The following CAMSAP1 variants were observed in gnomAD, a reference collection of about 807,000 sequenced individuals.
CAMSAP1 encodes the protein calmodulin regulated spectrin associated protein 1.
CAMSAP1 carries 58 observed loss-of-function variants against 143.5 expected under a neutral mutation model. The observed-to-expected ratio is 0.40, with a 90% CI of 0.33 to 0.50. The LOEUF (loss-of-function observed/expected upper bound fraction) is 0.50. CAMSAP1 is among the 20% of genes least tolerant of loss of function. The pLI is 0.45. For synonymous variants in CAMSAP1, 945 were observed against 859.3 expected, an observed-to-expected ratio of 1.10 and a Z score of -1.74; for missense variants, 1,969 against 2,115.7, an observed-to-expected ratio of 0.93 and a Z score of 1.36.
In CAMSAP1 at chr9:135,832,238, C is replaced by G. The variant is rs80119919; in HGVS notation, c.1046-4654G>C. 1.8e-4 allele frequency among the ~76,000 whole-genome samples: 27 copies of G among 152,262 alleles called. No individual in the cohort carries two copies. The East Asian group carries it at 5.2e-3, about 29-fold the overall frequency. ...TATACACCATGATTAAGTGGAATTC[C>G]TCCCTGAAATGCCAGGTTGGTTCAA... On this transcript the variant is annotated intron_variant, in intron 7 of 16. Coordinates refer to ENST00000389532, the MANE Select transcript of CAMSAP1 (RefSeq NM_015447.4).
rs1588519466 is a variant in CAMSAP1, at chr9:135,907,258, C to T, written c.-99G>A. On this transcript the variant is annotated 5_prime_UTR_variant, in exon 1 of 17. Transcript: ENST00000389532. Reference sequence around the variant, plus strand: ...TGCGCCCCGAGCCACCACTCGGCCCCGCAGCCGGCCAGCCGGGAGGGGCGC... The same window carrying T: ...TGCGCCCCGAGCCACCACTCGGCCCTGCAGCCGGCCAGCCGGGAGGGGCGC... 2.3e-5 allele frequency: 19 copies of T among 812,266 alleles called. No homozygotes were observed. The highest frequency in any genetic ancestry group is 1.1e-4 in the East Asian group (1 of 8,714). 50.3% of individuals were successfully genotyped at this position (812,266 alleles called of 1,614,324 possible). A position where few individuals can be genotyped will look rare whatever the true frequency, so the allele number is the denominator to read the frequency against.
In CAMSAP1 at chr9:135,822,592, G is replaced by T. The variant is rs574324363; in HGVS notation, c.2069C>A (p.Pro690Gln). The T allele has an allele frequency of 6.2e-7, 1 of 1,613,352 alleles. No individual in the cohort carries two copies. The highest frequency in any genetic ancestry group is 2.2e-5 in the East Asian group (1 of 44,820). The part of the protein sequence containing the change: ...GGPLALGGFD[P>Q]FPQGPSTDGF... ...ATCCGTGGATGGTCCCTGGGGGAAC[G>T]GATCGAATCCGCCAAGGGCCAGAGG... The change falls in exon 11 of 17, where the codon CCG becomes CAG. Residue 690 changes from proline (P) to glutamine (Q), a missense_variant. Around this residue, in one of 4 missense-constraint regions of CAMSAP1, gnomAD observed 1,390 missense variants for 1,420.8 expected, o/e 0.98. Coordinates refer to ENST00000389532, the MANE Select transcript of CAMSAP1 (RefSeq NM_015447.4). This position sits in a 1 kb window ranked among gnomAD's most constrained non-coding sequence, Gnocchi z 6.1.
intron 8 of CAMSAP1, 113 bp downstream of exon 8, chr9:135,827,294 A>G: frequency 5.4e-6 from 6 of 1,102,446 alleles, no homozygotes; most frequent in Non-Finnish European, 7.3e-6. Flanking sequence ...ATCTTTCATA[A>G]GCGAATACAA....
Position 135,827,571 on chromosome 9 carries a change from T to C in CAMSAP1, c.1059A>G (p.Leu353=). The C allele has an allele frequency of 6.3e-7, 1 of 1,578,358 alleles. No individual in the cohort carries two copies. Among genetic ancestry groups the C allele is most frequent in the Non-Finnish European group, 8.7e-7 (1 of 1,155,946 alleles). The change falls in exon 8 of 17, where the codon TTA becomes TTG. Residue 353 remains leucine (L), a synonymous_variant. Coordinates refer to ENST00000389532, the MANE Select transcript of CAMSAP1 (RefSeq NM_015447.4). ...CAGGAGGCCGGCTGCTCTTCTGGTG[T>C]AACACTGTTTTCGCTGCAGAAATAG... is the stretch of plus-strand genomic sequence containing the variant. ...VQELKDAKTV[L]HQKSSRPPVP...
chr9:135,864,498 C>T (rs1037249957), intron 4 of CAMSAP1, among the ~76,000 whole-genome samples: 3 of 152,128 alleles, frequency 2.0e-5, no homozygotes, highest in African/African-American at 7.2e-5. Context: ...AATAATGACA[C>T]TGAAGGACAC....
intron 1 of CAMSAP1, among the ~76,000 whole-genome samples, chr9:135,896,903 T>C (rs1838473327): frequency 1.3e-5 from 2 of 152,240 alleles, no homozygotes; most frequent in African/African-American, 4.8e-5. Context: ...AGGGAGCCTG[T>C]CCTCTTCTGC....
rs73559497 is a variant in CAMSAP1, at chr9:135,881,934, T to C, written c.424-140A>G. 4.1e-3 allele frequency: 4,251 copies of C among 1,029,174 alleles called. 138 individuals are homozygous for C. In the African/African-American group the frequency reaches 0.062, roughly 15 times the overall value. The allele number at this position is 1,029,174 out of a possible 1,614,324, so 63.8% of individuals were successfully genotyped here. On this transcript the variant is annotated intron_variant, in intron 2 of 16. Coordinates refer to ENST00000389532, the MANE Select transcript of CAMSAP1 (RefSeq NM_015447.4). Reference sequence around the variant, plus strand: ...TTCCGTCTGAAGAGATACTCAGATTTGAGACCTGCCTCCCCCGCACCATCA... The same window carrying C: ...TTCCGTCTGAAGAGATACTCAGATTCGAGACCTGCCTCCCCCGCACCATCA...
intron 3 of CAMSAP1, among the ~76,000 whole-genome samples, chr9:135,873,748 T>C (rs1446817009): frequency 1.3e-5 from 2 of 152,172 alleles, no homozygotes; most frequent in Non-Finnish European, 2.9e-5. Context: ...TATTATCATA[T>C]GTATATTAAA....
chr9:135,814,800 C>T (rs1268281634), intron 16 of CAMSAP1, among the ~76,000 whole-genome samples: 2 of 152,204 alleles, frequency 1.3e-5, no homozygotes, highest in African/African-American at 2.4e-5. Flanking sequence ...CACCTGCATC[C>T]ACTATCTCAC....
chr9:135,897,024 C>T (rs1838475707), intron 1 of CAMSAP1, among the ~76,000 whole-genome samples: 1 of 152,200 alleles, frequency 6.6e-6, no homozygotes, highest in African/African-American at 2.4e-5. Flanking sequence ...CATGAACAAT[C>T]AATTTCTGTC....
At chr9:135,855,860 G>A (rs570823449) in intron 5 of CAMSAP1, among the ~76,000 whole-genome samples, 2 of 152,126 alleles carry the variant, frequency 1.3e-5, no homozygotes, top group African/African-American at 4.8e-5. Context: ...AGACCATCCT[G>A]GCTAACACGG....
In CAMSAP1 at chr9:135,818,031, G is replaced by A. The variant is rs1001809172; in HGVS notation, c.4217C>T (p.Ser1406Phe). The change falls in exon 14 of 17, where the codon TCT becomes TTT. Residue 1406 changes from serine to phenylalanine, a missense_variant. This residue lies in a region of CAMSAP1 where 1,390 missense variants were observed against 1,420.8 expected (regional missense o/e 0.98). Transcript: ENST00000389532. The surrounding 1 kb of genome is among the most constrained non-coding windows in gnomAD (Gnocchi z 7.7). ...TQSGSSLSLA[S>F]AATTEPESVH... is the part of the protein sequence containing the mutation. ...GCTCTCGGGTTCTGTCGTCGCCGCA[G>A]AGGCCAAGGACAGGCTGGAGCCTGA... 1.9e-6 allele frequency: 3 copies of A among 1,613,964 alleles called. No individual in the cohort carries two copies. Among genetic ancestry groups the A allele is most frequent in the Non-Finnish European group, 1.7e-6 (2 of 1,179,882 alleles).
intron 1 of CAMSAP1, among the ~76,000 whole-genome samples, chr9:135,887,474 T>C (rs1055685125): frequency 6.6e-6 from 1 of 152,134 alleles, no homozygotes; most frequent in South Asian, 2.1e-4. Flanking sequence ...AAAAAAGATG[T>C]GTCTGCTTTA....
intron 16 of CAMSAP1, among the ~76,000 whole-genome samples, chr9:135,814,470 CT>C: frequency 6.6e-6 from 1 of 152,354 alleles, no homozygotes; most frequent in Non-Finnish European, 1.5e-5. Flanking sequence ...CTCCTCTCCC[CT>C]GGAATCCCAG....
intron 1 of CAMSAP1, among the ~76,000 whole-genome samples, chr9:135,905,750 A>C (rs1838757558): frequency 6.6e-6 from 1 of 152,260 alleles, no homozygotes; most frequent in African/African-American, 2.4e-5. Flanking sequence ...AAAGCAAAAC[A>C]GTGACTAACA....
chr9:135,823,317 C>A, intron 10 of CAMSAP1, 57 bp from the exon 11 acceptor site: 1 of 1,504,176 alleles, frequency 6.6e-7, no homozygotes, highest in South Asian at 1.4e-5. Flanking sequence ...AGACCCCCAA[C>A]ATGGACCAGG....
Position 135,818,382 on chromosome 9 carries a change from C to G in CAMSAP1, c.4168+26G>C, listed in dbSNP as rs2031779. The G allele has an allele frequency of 3.7e-3, 5,618 of 1,537,614 alleles. 141 individuals are homozygous for G. In the East Asian group the frequency reaches 0.06, roughly 16 times the overall value. ...CCGCCGCCCGCGGAAGGAAGCGCTG[C>G]CCGCGTGAGGGCCGGGGCTGCTTAC... On this transcript the variant is annotated intron_variant, in intron 13 of 16. Coordinates refer to ENST00000389532, the MANE Select transcript of CAMSAP1 (RefSeq NM_015447.4). This position sits in a 1 kb window ranked among gnomAD's most constrained non-coding sequence, Gnocchi z 7.7.
At chr9:135,906,923 C>G (rs1272134707) in intron 1 of CAMSAP1, 77 bp downstream of exon 1, 2 of 834,946 alleles carry the variant, frequency 2.4e-6, no homozygotes, top group Non-Finnish European at 2.9e-6. Context: ...GGACCCCGAC[C>G]CGGCCGGACC....
At chr9:135,872,564 G>C (rs1410953947) in intron 3 of CAMSAP1, among the ~76,000 whole-genome samples, 1 of 152,226 alleles carries the variant, frequency 6.6e-6, no homozygotes, top group African/African-American at 2.4e-5. Context: ...CACTCTAAGA[G>C]ATTGTCAGAT....
Sources: allele counts gnomAD v4.1 joint callset (sites outside exome capture counted in the v4.1 genomes callset), GRCh38; gene constraint gnomAD v4.1.1; regional missense constraint gnomAD v4.1.1; non-coding constraint Gnocchi (gnomAD v3.1); transcripts MANE v1.5; gene names NCBI Gene and HGNC (gene_info 2026-07-23, HGNC 2026-07-21).